DCBLD1: variants seen among roughly 807,000 people sequenced by gnomAD.
The protein encoded by DCBLD1 is discoidin, CUB and LCCL domain containing 1, also known as discoidin, CUB and LCCL domain-containing protein 1.
Under a neutral mutation model 71.5 loss-of-function variants are expected in DCBLD1, and 57 were observed. The ratio of observed to expected loss-of-function variants is 0.80; its 90% CI spans 0.64 to 0.99. DCBLD1 has a LOEUF of 0.99. Among genes scored for constraint, DCBLD1 ranks in the 50% least tolerant of loss-of-function variants. DCBLD1 has a pLI of 0.00. For synonymous variants in DCBLD1, 380 were observed against 363.8 expected (o/e 1.04, Z -0.51); for missense variants, 891 against 923.5 (o/e 0.96, Z 0.46).
At chr6:117,563,520 G>A (rs1426008324) in intron 14 of DCBLD1, 4 of 738,930 alleles carry the variant, frequency 5.4e-6, no homozygotes, top group East Asian at 2.6e-5. Context: ...TTAGGGGTTC[G>A]AGACCAGCCT....
chr6:117,545,447 A>G, intron 13 of DCBLD1, 31 bp from the exon 14 acceptor site: 1 of 1,609,940 alleles, frequency 6.2e-7, no homozygotes, highest in South Asian at 1.1e-5. Context: ...TTTCTGACAT[A>G]TTCATTTGGT....
intron 6 of DCBLD1, among the ~76,000 whole-genome samples, chr6:117,533,591 AT>A (rs1222677326): frequency 6.6e-6 from 1 of 152,204 alleles, no homozygotes; most frequent in Non-Finnish European, 1.5e-5. Context: ...AAGTTATAAC[AT>A]TGCTTTTATT....
intron 5 of DCBLD1, among the ~76,000 whole-genome samples, chr6:117,529,942 A>G (rs1042412653): frequency 6.6e-6 from 1 of 152,198 alleles, no homozygotes; most frequent in African/African-American, 2.4e-5. Flanking sequence ...TTGTTGGCCA[A>G]TGATGCTGTT....
At chr6:117,512,471 T>C (rs1269657642) in intron 2 of DCBLD1, among the ~76,000 whole-genome samples, 1 of 152,176 alleles carries the variant, frequency 6.6e-6, no homozygotes, top group Non-Finnish European at 1.5e-5. Context: ...ATGACCCTAC[T>C]GCAATTAGCA....
chr6:117,518,489 C>T (rs1438826674), intron 2 of DCBLD1, among the ~76,000 whole-genome samples: 1 of 152,176 alleles, frequency 6.6e-6, no homozygotes, highest in Non-Finnish European at 1.5e-5. Context: ...TCAGCAGCAC[C>T]CCACTCTACT....
intron 2 of DCBLD1, among the ~76,000 whole-genome samples, chr6:117,508,959 T>C (rs2114446547): frequency 6.6e-6 from 1 of 152,306 alleles, no homozygotes; most frequent in South Asian, 2.1e-4. Context: ...GAAATTTTTG[T>C]TGCTGCATAG....
downstream of DCBLD1, among the ~76,000 whole-genome samples, chr6:117,550,591 AAATGTTCATT>A (rs1370389059): frequency 8.9e-4 from 136 of 152,326 alleles, no homozygotes; most frequent in East Asian, 1.9e-4. Context: ...ATTGTTATTT[AAATGTTCATT>A]AACGTTTACA....
chr6:117,539,676 C>T (rs1475687051), intron 9 of DCBLD1: 2 of 208,310 alleles, frequency 9.6e-6, no homozygotes, highest in African/African-American at 2.4e-5. Flanking sequence ...ATCACTTGAG[C>T]CCAGGAGTTC....
At chr6:117,536,994 C>T (rs546339394) in intron 6 of DCBLD1, among the ~76,000 whole-genome samples, 191 bp from the exon 7 acceptor site, 19 of 152,240 alleles carry the variant, frequency 1.2e-4, no homozygotes, top group South Asian at 4.1e-4. Flanking sequence ...GCTTACCTTC[C>T]GTGGGCCTAA....
chr6:117,553,984 T>G (rs2114586917), downstream of DCBLD1, among the ~76,000 whole-genome samples: 1 of 152,256 alleles, frequency 6.6e-6, no homozygotes, highest in Middle Eastern at 3.4e-3. Context: ...CCTTATAGGG[T>G]TGTGGTGAAG....
At chr6:117,560,510 C>T in intron 14 of DCBLD1, 1 of 194,458 alleles carries the variant, frequency 5.1e-6, no homozygotes, top group Non-Finnish European at 1.1e-5. Context: ...CACATGAAAC[C>T]TTTTTGTTTC....
chr6:117,490,321 T>A (rs1777248125), intron 1 of DCBLD1, among the ~76,000 whole-genome samples: 2 of 151,958 alleles, frequency 1.3e-5, no homozygotes. Context: ...ATTGAAAGTT[T>A]TTTATTACTT....
chr6:117,483,330 C>G (rs1463375256), intron 1 of DCBLD1, among the ~76,000 whole-genome samples: 1 of 152,242 alleles, frequency 6.6e-6, no homozygotes. Flanking sequence ...TCGGCCGGCG[C>G]TGGGCCCTGC....
intron 14 of DCBLD1, among the ~76,000 whole-genome samples, chr6:117,564,733 G>C (rs932276087): frequency 2.0e-5 from 3 of 152,272 alleles, no homozygotes; most frequent in Non-Finnish European, 2.9e-5. Context: ...GAAGAGACAG[G>C]CTTTCTAATC....
intron 2 of DCBLD1, among the ~76,000 whole-genome samples, chr6:117,504,410 A>T (rs1395573868): frequency 6.6e-6 from 1 of 152,234 alleles, no homozygotes; most frequent in Non-Finnish European, 1.5e-5. Context: ...GGCAGAAAAT[A>T]AGCAAATGCA....
At chr6:117,568,624 GAGAC>G (rs1240440331) in intron 14 of DCBLD1, among the ~76,000 whole-genome samples, 1 of 152,186 alleles carries the variant, frequency 6.6e-6, no homozygotes, top group East Asian at 1.9e-4. Flanking sequence ...TTTGCAGAAA[GAGAC>G]AGATGATGCA....
rs1241211514 is a variant in DCBLD1 at position 117,549,470 on chromosome 6, A to G, written c.*1031A>G. ...TCTGTAATTCCAGAACAGTCCAGAC[A>G]TCAGCTGTACCTCATGCTCAGTAGT... On this transcript the variant is annotated 3_prime_UTR_variant, in exon 15 of 15. Coordinates refer to ENST00000338728, the MANE Select transcript of DCBLD1 (RefSeq NM_001366458.2). 2.0e-6 allele frequency: 2 copies of G among 984,932 alleles called. No individual in the cohort carries two copies. Among genetic ancestry groups the G allele is most frequent in the Admixed American group, 6.2e-5 (1 of 16,252 alleles). The allele number at this position is 984,932 out of a possible 1,614,324, so 61.0% of individuals were successfully genotyped here.
At chr6:117,496,225 G>C (rs767080347) in intron 1 of DCBLD1, among the ~76,000 whole-genome samples, 3 of 152,166 alleles carry the variant, frequency 2.0e-5, no homozygotes, top group Non-Finnish European at 4.4e-5. Flanking sequence ...GTTTCTAGTC[G>C]ATAGCTGTAA....
At chr6:117,544,449 A>G in intron 12 of DCBLD1, 79 bp from the exon 13 acceptor site, 2 of 1,457,652 alleles carry the variant, frequency 1.4e-6, no homozygotes, top group East Asian at 2.3e-5. Context: ...AAGTACTATT[A>G]TGATCCTTAT....
Sources: allele counts gnomAD v4.1 joint callset (sites outside exome capture counted in the v4.1 genomes callset), GRCh38; gene constraint gnomAD v4.1.1; transcripts MANE v1.5; gene names NCBI Gene and HGNC (gene_info 2026-07-23, HGNC 2026-07-21).